GREB1L: variants seen among roughly 807,000 people sequenced by gnomAD.
GREB1L encodes GREB1-like protein.
Under a neutral mutation model 200.8 loss-of-function variants are expected in GREB1L, and 17 were observed. That is an observed-to-expected ratio of 0.08 (90% CI 0.06 to 0.13). The LOEUF (loss-of-function observed/expected upper bound fraction) is 0.13. Among genes scored for constraint, GREB1L ranks in the 10% least tolerant of loss-of-function variants. The probability of loss-of-function intolerance (pLI) is 1.00; values close to 1 mark genes in which losing one functional copy is unlikely to be tolerated. For synonymous variants in GREB1L, 789 were observed against 893.0 expected (o/e 0.88, Z 2.08); for missense variants, 1,657 against 2,367.7 (o/e 0.70, Z 6.23).
intron 23 of GREB1L, among the ~76,000 whole-genome samples, chr18:21,500,900 C>G (rs1345454075): frequency 6.6e-6 from 1 of 151,990 alleles, no homozygotes; most frequent in Non-Finnish European, 1.5e-5. Flanking sequence ...GAAACCCCAT[C>G]TCTACTGAAA....
At chr18:21,401,396 G>A in intron 6 of GREB1L, 70 bp downstream of exon 6, 1 of 1,286,066 alleles carries the variant, frequency 7.8e-7, no homozygotes, top group Admixed American at 2.3e-5. Flanking sequence ...ACCCATACAA[G>A]ATTCAGAGTT....
intron 1 of GREB1L, among the ~76,000 whole-genome samples, chr18:21,315,799 G>T (rs1290931517): frequency 1.3e-5 from 2 of 152,108 alleles, no homozygotes; most frequent in African/African-American, 2.4e-5. Context: ...AGAATTCTCA[G>T]ACTCTTTGGA....
At chr18:21,421,474 A>G (rs2032141062) in intron 7 of GREB1L, among the ~76,000 whole-genome samples, 1 of 152,216 alleles carries the variant, frequency 6.6e-6, no homozygotes, top group Non-Finnish European at 1.5e-5. Context: ...CATTAGAAGG[A>G]CATTAATTGC....
At chr18:21,472,947 C>A in intron 15 of GREB1L, 84 bp from the exon 16 acceptor site, 1 of 937,944 alleles carries the variant, frequency 1.1e-6, no homozygotes, top group Non-Finnish European at 1.5e-6. Flanking sequence ...CCAGTGTCAG[C>A]TGACAATGAA....
intron 1 of GREB1L, among the ~76,000 whole-genome samples, chr18:21,318,121 A>C (rs1431444587): frequency 1.3e-5 from 2 of 151,738 alleles, no homozygotes; most frequent in Non-Finnish European, 2.9e-5. Context: ...AAAAAAAAAA[A>C]AAAACAAAGA....
chr18:21,390,265 T>C (rs1388005669), intron 4 of GREB1L, among the ~76,000 whole-genome samples: 2 of 150,916 alleles, frequency 1.3e-5, no homozygotes, highest in East Asian at 3.9e-4. Context: ...ATTATCTATG[T>C]TATTTCAGAG....
chr18:21,330,738 A>G (rs1270005722), intron 1 of GREB1L, among the ~76,000 whole-genome samples: 3 of 152,196 alleles, frequency 2.0e-5, no homozygotes, highest in African/African-American at 7.2e-5. Flanking sequence ...GAGTCTGAAA[A>G]AAAAAATTTT....
intron 15 of GREB1L, among the ~76,000 whole-genome samples, chr18:21,457,014 A>G (rs1397365151): frequency 6.6e-6 from 1 of 152,154 alleles, no homozygotes; most frequent in African/African-American, 2.4e-5. Context: ...TGCTTGAGCA[A>G]ACACATCATG....
At chr18:21,404,948 A>C (rs1360874743) in intron 7 of GREB1L, among the ~76,000 whole-genome samples, 1 of 152,200 alleles carries the variant, frequency 6.6e-6, no homozygotes, top group African/African-American at 2.4e-5. Context: ...CTTTCAAATT[A>C]ATGTGAAATT....
intron 7 of GREB1L, among the ~76,000 whole-genome samples, chr18:21,424,270 T>A (rs1301244240): frequency 2.0e-5 from 3 of 152,232 alleles, no homozygotes; most frequent in African/African-American, 7.2e-5. Flanking sequence ...CATAGTATTT[T>A]TAAAGTAACA....
intron 1 of GREB1L, among the ~76,000 whole-genome samples, chr18:21,258,469 T>C (rs1398569477): frequency 1.3e-5 from 2 of 152,190 alleles, no homozygotes; most frequent in Non-Finnish European, 2.9e-5. Flanking sequence ...CTTTCTTCCA[T>C]GGCTATGTAT....
chr18:21,328,284 T>A (rs2039055367), intron 1 of GREB1L, among the ~76,000 whole-genome samples: 1 of 152,042 alleles, frequency 6.6e-6, no homozygotes, highest in African/African-American at 2.4e-5. Flanking sequence ...GATAGTGTAG[T>A]CTTGTTCATG....
Position 21,499,786 on chromosome 18 carries a change from A to C in GREB1L, c.3449A>C (p.Gln1150Pro). The stretch of plus-strand genomic sequence containing the variant: ...AGCACAGCTGACAAGTCCCAGAAGC[A>C]GTCCCTGACCCCCAGCTTTCAGAGC... The part of the protein sequence containing the change: ...SSSTADKSQK[Q>P]SLTPSFQSPA... Residue 1150 changes from glutamine (Q) to proline (P), a missense_variant, in exon 22 of 33, where the codon CAG (glutamine) becomes CCG (proline). Around this residue, in one of 9 missense-constraint regions of GREB1L, gnomAD observed 512 missense variants for 668.3 expected, o/e 0.77. Coordinates refer to ENST00000424526, the MANE Select transcript of GREB1L (RefSeq NM_001142966.3). 6.4e-7 allele frequency: 1 copy of C among 1,552,106 alleles called. No individual in the cohort carries two copies. The highest frequency in any genetic ancestry group is 8.7e-7 in the Non-Finnish European group (1 of 1,147,082).
At chr18:21,478,571 C>T (rs1047634588) in intron 17 of GREB1L, among the ~76,000 whole-genome samples, 2 of 152,208 alleles carry the variant, frequency 1.3e-5, no homozygotes, top group African/African-American at 4.8e-5. Context: ...TGTCTTCAAG[C>T]ATTGGTTTGT....
At chr18:21,310,700 G>A (rs1306800439) in intron 1 of GREB1L, among the ~76,000 whole-genome samples, 3 of 152,090 alleles carry the variant, frequency 2.0e-5, no homozygotes, top group Non-Finnish European at 4.4e-5. Flanking sequence ...CTGCTAAACC[G>A]AAAAGTAGGC....
intron 17 of GREB1L, among the ~76,000 whole-genome samples, chr18:21,484,902 T>C (rs1257911936): frequency 6.6e-6 from 1 of 152,098 alleles, no homozygotes; most frequent in Non-Finnish European, 1.5e-5. Context: ...AAAAAACTAA[T>C]GTAGAAAAGA....
intron 1 of GREB1L, among the ~76,000 whole-genome samples, chr18:21,333,839 C>G (rs907848687): frequency 1.7e-4 from 26 of 151,624 alleles, no homozygotes; most frequent in Admixed American, 2.6e-4. Context: ...AAAATTAGCT[C>G]AAAGTAATGG....
intron 13 of GREB1L, 181 bp downstream of exon 13, chr18:21,451,332 G>A (rs2034508177): frequency 1.7e-6 from 1 of 602,808 alleles, no homozygotes; most frequent in African/African-American, 1.9e-5. Flanking sequence ...GGGTCTAGAG[G>A]AAGGCCCATT....
intron 1 of GREB1L, among the ~76,000 whole-genome samples, chr18:21,332,009 A>G (rs1474198158): frequency 6.6e-6 from 1 of 152,152 alleles, no homozygotes; most frequent in Non-Finnish European, 1.5e-5. Flanking sequence ...TTCATGGAAC[A>G]TAAGAATAGT....
Sources: allele counts gnomAD v4.1 joint callset (sites outside exome capture counted in the v4.1 genomes callset), GRCh38; gene constraint gnomAD v4.1.1; regional missense constraint gnomAD v4.1.1; transcripts MANE v1.5; gene names NCBI Gene and HGNC (gene_info 2026-07-23, HGNC 2026-07-21).